CEP85L: variants seen among roughly 807,000 people sequenced by gnomAD.
The protein encoded by CEP85L is centrosomal protein 85L.
In CEP85L, 60 loss-of-function variants were observed where a neutral mutation model predicts 100.3. The ratio of observed to expected loss-of-function variants is 0.60; its 90% CI spans 0.49 to 0.74. The LOEUF (loss-of-function observed/expected upper bound fraction) is 0.74. CEP85L is among the 30% of genes least tolerant of loss of function. CEP85L has a pLI of 0.00. For missense variants in CEP85L, 973 were observed against 936.2 expected (o/e 1.04, Z -0.51); for synonymous variants, 319 against 322.7 (o/e 0.99, Z 0.12).
At chr6:118,476,331 C>T (rs1773370691) in intron 10 of CEP85L, among the ~76,000 whole-genome samples, 1 of 151,352 alleles carries the variant, frequency 6.6e-6, no homozygotes, top group Admixed American at 6.6e-5. Flanking sequence ...TTGGCTGGTA[C>T]ATTTTTCAAA....
Position 118,566,177 on chromosome 6 carries a change from T to C in CEP85L, c.372A>G (p.Lys124=), listed in dbSNP as rs1489725032. 6.2e-7 allele frequency: 1 copy of C among 1,613,992 alleles called. No individual in the cohort carries two copies. The highest frequency in any genetic ancestry group is 8.5e-7 in the Non-Finnish European group (1 of 1,179,978). Residue 124 remains lysine (K), a synonymous_variant, in exon 3 of 13, where the codon AAA becomes AAG. Transcript: ENST00000368491. ...LRESLTPDGS[K]WSTSLMQTLG... ...ATGTTTGCATGAGGCTTGTACTCCA[T>C]TTTGAGCCATCTGGTGTCAATGATT...
At chr6:118,566,434 T>C in intron 2 of CEP85L, 118 bp from the exon 3 acceptor site, 3 of 900,236 alleles carry the variant, frequency 3.3e-6, no homozygotes, top group East Asian at 2.6e-5. Context: ...GCTTTTTTTT[T>C]TGAGACGTAG....
intron 1 of CEP85L, among the ~76,000 whole-genome samples, chr6:118,647,271 G>T (rs1234459078): frequency 6.6e-6 from 1 of 152,200 alleles, no homozygotes; most frequent in Admixed American, 6.5e-5. Flanking sequence ...CATTTTTTCA[G>T]CTCAAGTGTT....
intron 1 of CEP85L, among the ~76,000 whole-genome samples, chr6:118,673,706 C>G (rs1191569519): frequency 1.3e-5 from 2 of 152,082 alleles, no homozygotes; most frequent in Non-Finnish European, 2.9e-5. Flanking sequence ...TCAACAGGAC[C>G]CCCAAACAAT....
intron 2 of CEP85L, among the ~76,000 whole-genome samples, chr6:118,582,937 G>A (rs1780655436): frequency 1.3e-5 from 2 of 152,322 alleles, no homozygotes; most frequent in South Asian, 2.1e-4. Flanking sequence ...AAAAGGAAAG[G>A]AAATATAAGT....
Position 118,535,519 on chromosome 6 carries a change from TTAA to T in CEP85L, c.1021-11602_1021-11600del, listed in dbSNP as rs577209188. On this transcript the variant is annotated intron_variant, in intron 3 of 12. Coordinates refer to ENST00000368491, the MANE Select transcript of CEP85L (RefSeq NM_001042475.3). ...CACAGTCAACCGTTGCCTGAAAATATTAATAATGGAAAATTCTAGAAATAAAGA... is the reference window on the plus strand; with the variant it reads ...CACAGTCAACCGTTGCCTGAAAATATTAATGGAAAATTCTAGAAATAAAGA... 5.8e-4 allele frequency among the ~76,000 whole-genome samples: 89 copies of T among 152,304 alleles called. No homozygotes were observed. The South Asian group carries it at 6.6e-3, about 11-fold the overall frequency.
chr6:118,636,600 A>G (rs1283503920), intron 1 of CEP85L, among the ~76,000 whole-genome samples: 1 of 152,216 alleles, frequency 6.6e-6, no homozygotes, highest in Non-Finnish European at 1.5e-5. Flanking sequence ...GGTCGACTGG[A>G]TAAGGCAGAC....
At chr6:118,634,361 G>C (rs1774356039) in intron 1 of CEP85L, among the ~76,000 whole-genome samples, 1 of 151,956 alleles carries the variant, frequency 6.6e-6, no homozygotes, top group African/African-American at 2.4e-5. Flanking sequence ...ATCATACTAA[G>C]CTCAACATTA....
rs185821697 is a variant in CEP85L at position 118,586,364 on chromosome 6, G to A, written c.233-20048C>T. Among the ~76,000 whole-genome samples the A allele has an allele frequency of 2.0e-3, 302 of 152,136 alleles. 1 individual carries two copies. The highest frequency in any genetic ancestry group is 6.9e-3 in the African/African-American group (286 of 41,488). On this transcript the variant is annotated intron_variant, in intron 2 of 12. Transcript: ENST00000368491. ...AGCTAGTTAAGCATGTAACCTCTCT[G>A]GCTCACTTCCAACAGGAATTAGCAC...
intron 2 of CEP85L, among the ~76,000 whole-genome samples, chr6:118,587,472 T>C (rs974098536): frequency 2.6e-5 from 4 of 152,220 alleles, no homozygotes; most frequent in Non-Finnish European, 5.9e-5. Flanking sequence ...ACAAGGGTGA[T>C]ATACAAGGAT....
chr6:118,592,626 A>C (rs1008003070), intron 2 of CEP85L, among the ~76,000 whole-genome samples: 4 of 152,166 alleles, frequency 2.6e-5, no homozygotes, highest in Non-Finnish European at 5.9e-5. Context: ...CAGGCTAGAA[A>C]ATGGTTGAAA....
chr6:118,556,888 T>C (rs1583041625), intron 3 of CEP85L, among the ~76,000 whole-genome samples: 1 of 152,222 alleles, frequency 6.6e-6, no homozygotes, highest in African/African-American at 2.4e-5. Flanking sequence ...TTTCAGTCTA[T>C]ATATAATTTT....
intron 5 of CEP85L, chr6:118,502,633 G>A: frequency 2.1e-6 from 1 of 482,626 alleles, no homozygotes; most frequent in Non-Finnish European, 3.8e-6. Context: ...GAAGAAACCT[G>A]ATGAGACCAA....
Position 118,612,623 on chromosome 6 carries a change from T to G in CEP85L, c.232+19830A>C, listed in dbSNP as rs574432383. ...TGGCAGTGAGCCGAGACTGCACCAC[T>G]GCACTCTAGCCTGGGCGACAGAGTG... On this transcript the variant is annotated intron_variant, in intron 2 of 12. Coordinates refer to ENST00000368491, the MANE Select transcript of CEP85L (RefSeq NM_001042475.3). Among the ~76,000 whole-genome samples, 66 of 120,450 alleles carry G rather than the reference T, an allele frequency of 5.5e-4. 2 individuals are homozygous for G. The South Asian group carries it at 0.018, about 33-fold the overall frequency. 79.0% of individuals were successfully genotyped at this position (120,450 alleles called of 152,430 possible).
At chr6:118,691,091 A>G (rs1395180442) in intron 1 of CEP85L, among the ~76,000 whole-genome samples, 1 of 152,130 alleles carries the variant, frequency 6.6e-6, no homozygotes, top group Admixed American at 6.5e-5. Flanking sequence ...AAAAGAGAAA[A>G]AGACAGACAA....
intron 10 of CEP85L, 118 bp downstream of exon 10, chr6:118,479,753 T>G (rs1773641899): frequency 2.1e-6 from 1 of 482,466 alleles, no homozygotes; most frequent in African/African-American, 2.0e-5. Context: ...TTTACCTCAG[T>G]GCTATAAATA....
intron 2 of CEP85L, among the ~76,000 whole-genome samples, chr6:118,591,470 T>C (rs1430753649): frequency 6.6e-6 from 1 of 152,196 alleles, no homozygotes; most frequent in Non-Finnish European, 1.5e-5. Flanking sequence ...GTAACTTCAC[T>C]TCAGCCTCTG....
chr6:118,468,112 G>A (rs1237269425), intron 12 of CEP85L, among the ~76,000 whole-genome samples: 1 of 152,154 alleles, frequency 6.6e-6, no homozygotes, highest in African/African-American at 2.4e-5. Flanking sequence ...CCACATTTGT[G>A]TATGTGTACA....
chr6:118,502,943 G>C (rs575392883), intron 5 of CEP85L: 1 of 395,040 alleles, frequency 2.5e-6, no homozygotes, highest in Admixed American at 4.1e-5. Context: ...AGGCCACCTG[G>C]TATTTGATTA....
Sources: gnomAD v4.1 joint callset for allele counts (sites outside exome capture counted in the v4.1 genomes callset) on GRCh38, gnomAD v4.1.1 for gene constraint, MANE v1.5 for transcripts, NCBI Gene and HGNC (gene_info 2026-07-23, HGNC 2026-07-21) for gene names.